The following KYNU variants were observed in gnomAD, a reference collection of about 807,000 sequenced individuals.
KYNU encodes kynureninase.
KYNU carries 54 observed loss-of-function variants against 59.2 expected under a neutral mutation model. That is an observed-to-expected ratio of 0.91 (90% confidence interval 0.73 to 1.14). KYNU has a LOEUF of 1.14. KYNU is among the 50% of genes most tolerant of loss of function. The pLI, the probability that KYNU is intolerant of heterozygous loss-of-function variation, is 0.00. For missense variants in KYNU, 567 were observed against 554.4 expected (o/e 1.02, Z -0.23); for synonymous variants, 177 against 192.0 (o/e 0.92, Z 0.65).
chr2:142,884,705 T>C (rs1163130994), intron 1 of KYNU, among the ~76,000 whole-genome samples: 2 of 128,680 alleles, frequency 1.6e-5, no homozygotes, highest in Non-Finnish European at 3.2e-5. Flanking sequence ...TTTTTTTTTT[T>C]TTTTTTTGGT....
Position 143,055,308 on chromosome 2 carries a change from T to C in KYNU, c.*13136T>C, listed in dbSNP as rs953257755. ...TCCAGGGGGAACTCTGTTTTCTTAC[T>C]TTTTTTAGATTCTAGAGGCTTCCCA... On this transcript the variant is annotated 3_prime_UTR_variant, in exon 14 of 14. Transcript: ENST00000264170. 1 of 152,168 alleles carries C rather than the reference T, an allele frequency of 6.6e-6. No individual in the cohort carries two copies. Among genetic ancestry groups the C allele is most frequent in the African/African-American group, 2.4e-5 (1 of 41,430 alleles). 9.4% of individuals were successfully genotyped at this position (152,168 alleles called of 1,614,324 possible).
intron 10 of KYNU, among the ~76,000 whole-genome samples, chr2:143,008,116 T>G (rs1651592511): frequency 8.7e-6 from 1 of 115,282 alleles, no homozygotes; most frequent in South Asian, 3.1e-4. Context: ...GACTGGCAAA[T>G]TGGATAAAGA....
chr2:142,982,009 T>C (rs947172099), intron 8 of KYNU, among the ~76,000 whole-genome samples: 14 of 152,124 alleles, frequency 9.2e-5, no homozygotes, highest in African/African-American at 2.9e-4. Flanking sequence ...AAACAGACTA[T>C]AGTTTGCATG....
Position 143,043,309 on chromosome 2 carries a change from C to T in KYNU, c.*1137C>T, listed in dbSNP as rs1382151208. On this transcript the variant is annotated 3_prime_UTR_variant, in exon 14 of 14. Transcript: ENST00000264170. ...ACCCACTGTGAAAAACCTAAAGTTA[C>T]ACTTAGCCCTGTTGGACTTACCTAG... The T allele has an allele frequency of 6.6e-6, 1 of 151,976 alleles. No homozygotes were observed. Among genetic ancestry groups the T allele is most frequent in the Non-Finnish European group, 1.5e-5 (1 of 67,956 alleles). 9.4% of individuals were successfully genotyped at this position (151,976 alleles called of 1,614,324 possible).
chr2:142,998,249 A>G (rs1286789797), intron 10 of KYNU, among the ~76,000 whole-genome samples: 3 of 152,200 alleles, frequency 2.0e-5, no homozygotes, highest in Admixed American at 6.5e-5. Context: ...TTTAGTTTTT[A>G]GGAATGATTT....
intron 2 of KYNU, among the ~76,000 whole-genome samples, chr2:142,901,052 C>CA (rs34574070): frequency 0.05 from 5,771 of 116,378 alleles, 366 homozygotes; most frequent in African/African-American, 0.16. Flanking sequence ...GACTCCATCT[C>CA]AAAAAAAAAA....
intron 4 of KYNU, among the ~76,000 whole-genome samples, chr2:142,939,258 A>G (rs897987798): frequency 2.0e-5 from 3 of 152,284 alleles, no homozygotes; most frequent in South Asian, 2.1e-4. Flanking sequence ...ACAAATTTCT[A>G]TTGGTTTTGT....
intron 10 of KYNU, among the ~76,000 whole-genome samples, chr2:143,026,038 T>C (rs1686543828): frequency 6.6e-6 from 1 of 152,194 alleles, no homozygotes; most frequent in Admixed American, 6.5e-5. Flanking sequence ...AAATGATAAT[T>C]AGAAACTTTC....
chr2:143,033,985 T>C (rs1266921018), intron 12 of KYNU, among the ~76,000 whole-genome samples: 1 of 152,062 alleles, frequency 6.6e-6, no homozygotes, highest in African/African-American at 2.4e-5. Flanking sequence ...AATTAATTTA[T>C]ATTTTTATTT....
intron 5 of KYNU, among the ~76,000 whole-genome samples, chr2:142,955,644 A>G (rs947097329): frequency 2.0e-5 from 3 of 152,112 alleles, no homozygotes; most frequent in African/African-American, 7.2e-5. Flanking sequence ...AAATGTAATA[A>G]TATGTGAAAA....
At position 143,042,145 on chromosome 2, in the gene KYNU, A is replaced by G; in HGVS notation, c.1371A>G (p.Ile457Met). ...VYKFTNLLTS[I>M]LDSAETKN The stretch of plus-strand genomic sequence containing the variant: ...AATTTACCAATCTGCTCACTTCTAT[A>G]CTTGACTCTGCAGAAACAAAAAATT... The change falls in exon 14 of 14, where the codon ATA becomes ATG. Residue 457 changes from isoleucine to methionine, a missense_variant. Physicochemically the swap from Ile to Met is conservative, Grantham distance 10. Coordinates refer to ENST00000264170, the MANE Select transcript of KYNU (RefSeq NM_003937.3). The G allele has an allele frequency of 3.1e-6, 5 of 1,610,194 alleles. No individual in the cohort carries two copies. Among genetic ancestry groups the G allele is most frequent in the Non-Finnish European group, 4.2e-6 (5 of 1,178,426 alleles).
chr2:142,987,554 AG>A (rs1463362139), intron 10 of KYNU, among the ~76,000 whole-genome samples: 1 of 151,992 alleles, frequency 6.6e-6, no homozygotes, highest in Non-Finnish European at 1.5e-5. Context: ...AAGACCATCT[AG>A]GCAGACCAGG....
chr2:142,968,462 A>G (rs1321047518), intron 8 of KYNU, among the ~76,000 whole-genome samples: 1 of 152,222 alleles, frequency 6.6e-6, no homozygotes, highest in Non-Finnish European at 1.5e-5. Context: ...CTTTGCCCTG[A>G]AGACCCATGG....
intron 8 of KYNU, chr2:142,967,540 A>C (rs1436387902): frequency 1.3e-5 from 2 of 152,198 alleles, no homozygotes; most frequent in African/African-American, 2.4e-5. Context: ...TTCTGGATCC[A>C]GAATAATTTA....
At chr2:143,031,391 A>G (rs1686732161) in intron 11 of KYNU, among the ~76,000 whole-genome samples, 1 of 152,218 alleles carries the variant, frequency 6.6e-6, no homozygotes, top group South Asian at 2.1e-4. Context: ...TAGGTGATAC[A>G]TAAGTGAAAG....
At chr2:142,956,175 C>G (rs1193884508) in intron 5 of KYNU, 28 bp from the exon 6 acceptor site, 8 of 1,225,642 alleles carry the variant, frequency 6.5e-6, no homozygotes, top group Middle Eastern at 1.9e-4. Flanking sequence ...TGTATTAATG[C>G]TTTCTCAATA....
intron 10 of KYNU, among the ~76,000 whole-genome samples, chr2:143,029,317 G>A (rs1686671025): frequency 6.6e-6 from 1 of 152,132 alleles, no homozygotes; most frequent in Non-Finnish European, 1.5e-5. Flanking sequence ...CAGTCACAGT[G>A]GCTCATACCT....
At chr2:142,911,478 T>C (rs1466231032) in intron 2 of KYNU, among the ~76,000 whole-genome samples, 1 of 152,166 alleles carries the variant, frequency 6.6e-6, no homozygotes, top group African/African-American at 2.4e-5. Flanking sequence ...TTTAGGGTTT[T>C]CTAGGTATAG....
In KYNU at chr2:142,885,499, G is replaced by T; in HGVS notation, c.132G>T (p.Glu44Asp). 1 of 1,613,938 alleles carries T rather than the reference G, an allele frequency of 6.2e-7. No homozygotes were observed. The highest frequency in any genetic ancestry group is 1.1e-5 in the South Asian group (1 of 91,056). ...AAGATAAGCTGAGGCACTTCAGGGA[G>T]TGCTTTTATATTCCCAAAATACAGG... ...DEEDKLRHFR[E>D]CFYIPKIQDL... The change falls in exon 2 of 14, where the codon GAG (glutamate) becomes GAT (aspartate). Residue 44 changes from glutamate to aspartate, a missense_variant. Physicochemically the swap from Glu to Asp is conservative, Grantham distance 45. Transcript: ENST00000264170.
Sources: allele counts gnomAD v4.1 joint callset (sites outside exome capture counted in the v4.1 genomes callset), GRCh38; gene constraint gnomAD v4.1.1; transcripts MANE v1.5; gene names NCBI Gene and HGNC (gene_info 2026-07-23, HGNC 2026-07-21).